VWA3B: variants seen among roughly 807,000 people sequenced by gnomAD.
The protein encoded by VWA3B is von Willebrand factor A domain-containing protein 3B.
VWA3B carries 138 observed loss-of-function variants against 158.3 expected under a neutral mutation model. The observed-to-expected ratio is 0.87, with a 90% CI of 0.76 to 1.00. VWA3B has a LOEUF of 1.00. VWA3B is among the 50% of genes least tolerant of loss of function. The pLI, the probability that VWA3B is intolerant of heterozygous loss-of-function variation, is 0.00. For missense variants in VWA3B, 1,555 were observed against 1,565.1 expected (o/e 0.99, Z 0.11); for synonymous variants, 596 against 587.3 (o/e 1.01, Z -0.21).
At chr2:98,140,258 T>G (rs1559567457) in intron 7 of VWA3B, among the ~76,000 whole-genome samples, 1 of 152,194 alleles carries the variant, frequency 6.6e-6, no homozygotes, top group Non-Finnish European at 1.5e-5. Flanking sequence ...ACCGCATGCC[T>G]TAGAGATTCT....
intron 7 of VWA3B, among the ~76,000 whole-genome samples, chr2:98,139,741 GC>G (rs1676604822): frequency 6.6e-6 from 1 of 152,044 alleles, no homozygotes; most frequent in Non-Finnish European, 1.5e-5. Flanking sequence ...ACCAATCAGC[GC>G]CCTGTCAAAA....
intron 26 of VWA3B, among the ~76,000 whole-genome samples, chr2:98,310,201 G>T (rs985995534): frequency 3.3e-5 from 5 of 152,192 alleles, no homozygotes; most frequent in Non-Finnish European, 7.3e-5. Context: ...TTCTAAGGCA[G>T]CCTTGCTGAG....
At chr2:98,163,161 A>ATG (rs148830268) in intron 8 of VWA3B, among the ~76,000 whole-genome samples, 185 bp downstream of exon 8, 20 of 151,512 alleles carry the variant, frequency 1.3e-4, no homozygotes, top group South Asian at 6.3e-4. Context: ...ATGCATGGAC[A>ATG]TGTGTGTGTG....
intron 8 of VWA3B, 92 bp downstream of exon 8, chr2:98,163,068 C>A: frequency 6.4e-7 from 1 of 1,557,154 alleles, no homozygotes; most frequent in South Asian, 1.2e-5. Context: ...ACCAGAGAAG[C>A]TCCAGAGCCC....
chr2:98,233,995 A>G (rs779336239), intron 16 of VWA3B, among the ~76,000 whole-genome samples: 16 of 152,254 alleles, frequency 1.1e-4, no homozygotes, highest in Non-Finnish European at 1.6e-4. Context: ...ATTTGCCTGT[A>G]GAAGGGACAC....
At chr2:98,244,032 T>C (rs1686238336) in intron 19 of VWA3B, among the ~76,000 whole-genome samples, 1 of 152,224 alleles carries the variant, frequency 6.6e-6, no homozygotes, top group African/African-American at 2.4e-5. Flanking sequence ...AATTTCAAAA[T>C]GTTTTGTGAT....
intron 12 of VWA3B, chr2:98,206,938 G>C: frequency 2.1e-6 from 1 of 467,936 alleles, no homozygotes; most frequent in African/African-American, 2.0e-5. Flanking sequence ...TACCTCCAAG[G>C]TAATGCTGAT....
In VWA3B at chr2:98,115,688, G is replaced by T. The variant is rs560529783; in HGVS notation, c.233G>T (p.Arg78Leu). The T allele has an allele frequency of 1.9e-6, 3 of 1,613,704 alleles. No individual in the cohort carries two copies. The East Asian group carries it at 6.7e-5, about 36-fold the overall frequency. ...VASLGRPVASRYADGLFPQLY... is the reference protein window; with the variant it reads ...VASLGRPVASLYADGLFPQLY... ...TCTCTGGGGAGACCTGTGGCTTCTC[G>T]GTATGCTGATGGTCTGTTTCCACAG... The change falls in exon 3 of 28, where the codon CGG (arginine) becomes CTG (leucine). Residue 78 changes from arginine to leucine, a missense_variant. Arg to Leu is a moderately radical substitution (Grantham distance 102). Transcript: ENST00000477737.
intron 7 of VWA3B, among the ~76,000 whole-genome samples, chr2:98,142,271 C>T (rs1354615524): frequency 7.9e-5 from 12 of 152,134 alleles, no homozygotes; most frequent in Admixed American, 5.2e-4. Flanking sequence ...GACCCTGCCC[C>T]GCCTCCCTGG....
chr2:98,200,633 C>T (rs1482205855), intron 12 of VWA3B, among the ~76,000 whole-genome samples: 2 of 151,362 alleles, frequency 1.3e-5, no homozygotes, highest in African/African-American at 4.8e-5. Flanking sequence ...TTCTCCCAAT[C>T]TATGGCTTTT....
rs143808471 is a variant in VWA3B, at chr2:98,181,036, G to C, written c.1135G>C (p.Glu379Gln). 1.1e-5 allele frequency: 18 copies of C among 1,614,190 alleles called. No homozygotes were observed. Among genetic ancestry groups the C allele is most frequent in the East Asian group, 1.1e-4 (5 of 44,886 alleles). ...VDCESETTSVEIASNPEDTWD... is the reference protein window; with the variant it reads ...VDCESETTSVQIASNPEDTWD... The stretch of plus-strand genomic sequence containing the variant: ...TACAGAGTCAGAAACAACCTCTGTT[G>C]AGATTGCATCGAATCCAGAAGACAC... The change falls in exon 9 of 28, where the codon GAG becomes CAG. Residue 379 changes from glutamate (E) to glutamine (Q), a missense_variant. Transcript: ENST00000477737.
chr2:98,093,501 T>G (rs1682501313), intron 2 of VWA3B, among the ~76,000 whole-genome samples: 1 of 152,224 alleles, frequency 6.6e-6, no homozygotes, highest in South Asian at 2.1e-4. Context: ...AATGCTTAAT[T>G]TCATCCTTTC....
chr2:98,093,400 C>T, intron 2 of VWA3B, 112 bp downstream of exon 2: 1 of 1,062,642 alleles, frequency 9.4e-7, no homozygotes, highest in South Asian at 1.6e-5. Context: ...TTGCTTTGAT[C>T]TTATATCCCT....
chr2:98,330,014 C>G, the VWA3B span, among the ~76,000 whole-genome samples: 1,856 of 152,302 alleles, frequency 0.012, 16 homozygotes, highest in Non-Finnish European at 0.02. Context: ...CTGAATGATG[C>G]TGTACTGTGA....
At chr2:98,306,479 G>T (rs373322915) in intron 26 of VWA3B, among the ~76,000 whole-genome samples, 4 of 151,998 alleles carry the variant, frequency 2.6e-5, no homozygotes, top group East Asian at 3.9e-4. Flanking sequence ...TATCAAAAAC[G>T]TATGCTACAA....
At chr2:98,245,703 A>G in intron 19 of VWA3B, 5 of 429,580 alleles carry the variant, frequency 1.2e-5, no homozygotes, top group Non-Finnish European at 2.3e-5. Flanking sequence ...ATTGATTCAC[A>G]ATTGTGCCAT....
At chr2:98,112,959 TG>T (rs1674259098) in intron 2 of VWA3B, among the ~76,000 whole-genome samples, 1 of 152,024 alleles carries the variant, frequency 6.6e-6, no homozygotes, top group Non-Finnish European at 1.5e-5. Flanking sequence ...TTGTACTTTT[TG>T]TTCTAAAATT....
chr2:98,209,342 G>A (rs1360392703), intron 12 of VWA3B, among the ~76,000 whole-genome samples: 3 of 151,760 alleles, frequency 2.0e-5, no homozygotes, highest in African/African-American at 4.8e-5. Context: ...GTGTGGTGGC[G>A]CGATCTCGGC....
intron 22 of VWA3B, among the ~76,000 whole-genome samples, chr2:98,274,568 G>A (rs781388581): frequency 1.2e-4 from 18 of 152,170 alleles, no homozygotes; most frequent in South Asian, 2.1e-4. Context: ...GGAAGAACGC[G>A]GAGTGTTCCC....
Sources: gnomAD v4.1 joint callset for allele counts (sites outside exome capture counted in the v4.1 genomes callset) on GRCh38, gnomAD v4.1.1 for gene constraint, MANE v1.5 for transcripts, NCBI Gene and HGNC (gene_info 2026-07-23, HGNC 2026-07-21) for gene names.